Variants in CADM1 observed in about 807,000 individuals in gnomAD.
The protein encoded by CADM1 is cell adhesion molecule 1.
In CADM1, 15 loss-of-function variants were observed where a neutral mutation model predicts 53.1. The observed-to-expected ratio is 0.28, with a 90% CI of 0.19 to 0.44. The LOEUF (loss-of-function observed/expected upper bound fraction) is 0.44. Among genes scored for constraint, CADM1 ranks in the 20% least tolerant of loss-of-function variants. The pLI, the probability that CADM1 is intolerant of heterozygous loss-of-function variation, is 1.00. For missense variants in CADM1, 434 were observed against 611.3 expected (o/e 0.71, Z 3.06); for synonymous variants, 281 against 243.0 (o/e 1.16, Z -1.45).
At position 115,339,342 on chromosome 11, in the gene CADM1, C is replaced by A. The variant is rs538651524; in HGVS notation, c.125-98922G>T. ...GACACATGCACACGTATGTTTATTG[C>A]AGCACTATTCACAATAGCAAAGACT... On this transcript the variant is annotated intron_variant, in intron 1 of 11. Coordinates refer to ENST00000331581, the MANE Select transcript of CADM1 (RefSeq NM_001301043.2). 2.3e-3 allele frequency among the ~76,000 whole-genome samples: 345 copies of A among 152,088 alleles called. 3 individuals are homozygous for A. Among genetic ancestry groups the A allele is most frequent in the African/African-American group, 7.8e-3 (323 of 41,482 alleles).
rs547225319 is a variant in CADM1 at position 115,257,865 on chromosome 11, T to C, written c.125-17445A>G. On this transcript the variant is annotated intron_variant, in intron 1 of 11. Transcript: ENST00000331581. ...AGCATCACCTGGAGGGCCTGTCTGC[T>C]GGGCCCTTCCCAGGGTTTCAGATTC... Among the ~76,000 whole-genome samples the C allele has an allele frequency of 5.3e-5, 8 of 152,326 alleles. No homozygotes were observed. The South Asian group carries it at 1.7e-3, about 32-fold the overall frequency.
intron 1 of CADM1, among the ~76,000 whole-genome samples, chr11:115,317,155 C>T (rs1264420365): frequency 2.0e-5 from 3 of 152,132 alleles, no homozygotes; most frequent in Non-Finnish European, 4.4e-5. Context: ...TCTAGGTCTT[C>T]TTCATAACAA....
chr11:115,202,268 C>T (rs1940468442), intron 8 of CADM1, among the ~76,000 whole-genome samples: 1 of 151,968 alleles, frequency 6.6e-6, no homozygotes, highest in Non-Finnish European at 1.5e-5. Flanking sequence ...CACTGTGGCA[C>T]ATTCTAATCC....
chr11:115,490,364 G>A, intron 1 of CADM1, among the ~76,000 whole-genome samples: 1 of 150,468 alleles, frequency 6.6e-6, no homozygotes, highest in South Asian at 2.1e-4. Context: ...TAGGAAACAT[G>A]GAATAGAGGG....
intron 1 of CADM1, among the ~76,000 whole-genome samples, chr11:115,404,994 T>G (rs1379282704): frequency 6.6e-6 from 1 of 152,142 alleles, no homozygotes; most frequent in Non-Finnish European, 1.5e-5. Flanking sequence ...AATGCAGATT[T>G]TTGTTGTTGT....
chr11:115,246,248 C>G (rs969159779), intron 1 of CADM1, among the ~76,000 whole-genome samples: 2 of 152,132 alleles, frequency 1.3e-5, no homozygotes, highest in Non-Finnish European at 2.9e-5. Context: ...TTACAAAGCC[C>G]CTCTTAACCT....
intron 1 of CADM1, among the ~76,000 whole-genome samples, chr11:115,486,683 C>T (rs1004190379): frequency 6.6e-6 from 1 of 152,150 alleles, no homozygotes; most frequent in East Asian, 1.9e-4. Flanking sequence ...AGTTTTTCCA[C>T]AGTCTGGCCC....
chr11:115,176,892 G>C (rs1372780019), intron 11 of CADM1, among the ~76,000 whole-genome samples: 1 of 152,222 alleles, frequency 6.6e-6, no homozygotes, highest in African/African-American at 2.4e-5. Context: ...AATGCAGAAA[G>C]CTGGAGAGGG....
chr11:115,223,973 A>AAAAGAGAGAGAG (rs59495248), intron 5 of CADM1, among the ~76,000 whole-genome samples: 2 of 92,480 alleles, frequency 2.2e-5, no homozygotes, highest in Admixed American at 1.3e-4. Context: ...AAAAAAAAAA[A>AAAAGAGAGAGAG]AGAGAGAGAG....
At chr11:115,223,651 G>A (rs565005446) in intron 5 of CADM1, among the ~76,000 whole-genome samples, 89 of 152,086 alleles carry the variant, frequency 5.9e-4, no homozygotes, top group Non-Finnish European at 6.9e-4. Flanking sequence ...TCTTGCTCAC[G>A]ATGTATTTGC....
intron 3 of CADM1, among the ~76,000 whole-genome samples, chr11:115,237,441 T>A (rs571531456): frequency 1.3e-5 from 2 of 152,256 alleles, no homozygotes; most frequent in South Asian, 2.1e-4. Flanking sequence ...ATAAAAAAAA[T>A]TTCCCTTCTA....
At chr11:115,214,296 T>C in intron 7 of CADM1, among the ~76,000 whole-genome samples, 1 of 152,232 alleles carries the variant, frequency 6.6e-6, no homozygotes, top group Non-Finnish European at 1.5e-5. Flanking sequence ...AGCTGCTAAT[T>C]GGTAAGGCTG....
chr11:115,310,580 C>A (rs756635445), intron 1 of CADM1, among the ~76,000 whole-genome samples: 1 of 152,072 alleles, frequency 6.6e-6, no homozygotes, highest in Non-Finnish European at 1.5e-5. Flanking sequence ...GATTTGCTGT[C>A]GGTGAAACCC....
chr11:115,321,652 T>G (rs1216255766), intron 1 of CADM1, among the ~76,000 whole-genome samples: 1 of 152,224 alleles, frequency 6.6e-6, no homozygotes, highest in Non-Finnish European at 1.5e-5. Context: ...AATATCCTAG[T>G]TCCAGTAGCT....
At chr11:115,288,659 T>C (rs775178034) in intron 1 of CADM1, among the ~76,000 whole-genome samples, 1 of 152,154 alleles carries the variant, frequency 6.6e-6, no homozygotes, top group Non-Finnish European at 1.5e-5. Context: ...TCTTCCAAGT[T>C]CCCACAGTCT....
At chr11:115,396,171 G>A (rs968926708) in intron 1 of CADM1, among the ~76,000 whole-genome samples, 3 of 152,214 alleles carry the variant, frequency 2.0e-5, no homozygotes, top group African/African-American at 7.2e-5. Context: ...ATGCCTCTCA[G>A]TTTGGCAGGG....
intron 1 of CADM1, among the ~76,000 whole-genome samples, chr11:115,272,931 A>G (rs1344500905): frequency 3.3e-5 from 5 of 152,154 alleles, no homozygotes; most frequent in Non-Finnish European, 7.3e-5. Context: ...AACGACGTGA[A>G]GTTTTTACCA....
intron 1 of CADM1, among the ~76,000 whole-genome samples, chr11:115,365,430 T>C (rs1024257219): frequency 2.0e-5 from 3 of 152,126 alleles, no homozygotes; most frequent in Admixed American, 1.3e-4. Flanking sequence ...TAAATTACCA[T>C]GCCAATTTAG....
At chr11:115,419,680 C>T (rs144407837) in intron 1 of CADM1, among the ~76,000 whole-genome samples, 17 of 152,122 alleles carry the variant, frequency 1.1e-4, no homozygotes, top group East Asian at 1.9e-4. Context: ...ACCGTGAACC[C>T]GAAAATGAGC....
Sources: gnomAD v4.1 joint callset for allele counts (sites outside exome capture counted in the v4.1 genomes callset) on GRCh38, gnomAD v4.1.1 for gene constraint, MANE v1.5 for transcripts, NCBI Gene and HGNC (gene_info 2026-07-23, HGNC 2026-07-21) for gene names.